The following AGBL4 variants were observed in gnomAD, a reference collection of about 807,000 sequenced individuals.
AGBL4 encodes the protein cytosolic carboxypeptidase 6.
In AGBL4, 58 loss-of-function variants were observed where a neutral mutation model predicts 66.4. The observed-to-expected ratio is 0.87, with a 90% CI of 0.71 to 1.09. The LOEUF is 1.09. AGBL4 is among the 50% of genes least tolerant of loss of function. AGBL4 has a pLI of 0.00. For synonymous variants in AGBL4, 234 were observed against 222.9 expected, an observed-to-expected ratio of 1.05 and a Z score of -0.44; for missense variants, 579 against 631.0, an observed-to-expected ratio of 0.92 and a Z score of 0.88.
chr1:49,698,847 T>G (rs982043967), intron 2 of AGBL4, among the ~76,000 whole-genome samples: 1 of 152,018 alleles, frequency 6.6e-6, no homozygotes, highest in Admixed American at 6.6e-5. Context: ...TATAAATGGG[T>G]TTTGATAAAC....
At chr1:49,555,171 T>A (rs1312444830) in intron 3 of AGBL4, among the ~76,000 whole-genome samples, 2 of 152,098 alleles carry the variant, frequency 1.3e-5, no homozygotes, top group African/African-American at 4.8e-5. Context: ...TACAAAGAAC[T>A]GATTGGTCCG....
chr1:48,528,273 G>T (rs968596670), downstream of AGBL4, among the ~76,000 whole-genome samples: 1 of 152,106 alleles, frequency 6.6e-6, no homozygotes, highest in African/African-American at 2.4e-5. Flanking sequence ...TCAGCTGTGT[G>T]GGGAGAAAGA....
intron 3 of AGBL4, among the ~76,000 whole-genome samples, chr1:49,336,012 A>G (rs555046459): frequency 1.3e-5 from 2 of 151,982 alleles, no homozygotes; most frequent in African/African-American, 4.8e-5. Flanking sequence ...TATATATATG[A>G]TATATACAAT....
At chr1:48,574,144 A>G (rs1237537984) in intron 11 of AGBL4, among the ~76,000 whole-genome samples, 1 of 152,198 alleles carries the variant, frequency 6.6e-6, no homozygotes, top group African/African-American at 2.4e-5. Context: ...CTTTTAGTGG[A>G]GCAATCAGAG....
rs566995777 is a variant in AGBL4, at chr1:49,671,253, A to G, written c.282+26060T>C. 2.0e-5 allele frequency among the ~76,000 whole-genome samples: 3 copies of G among 152,278 alleles called. No individual in the cohort carries two copies. The East Asian group carries it at 5.8e-4, about 29-fold the overall frequency. On this transcript the variant is annotated intron_variant, in intron 3 of 13. Coordinates refer to ENST00000371839, the MANE Select transcript of AGBL4 (RefSeq NM_032785.4). ...TGGGGAAAAGATTTCCTATTCAATA[A>G]ATAGTGCTGGGATAACTGGCAAGCC...
chr1:49,176,150 A>G (rs998293298), intron 4 of AGBL4, among the ~76,000 whole-genome samples: 1 of 152,112 alleles, frequency 6.6e-6, no homozygotes, highest in African/African-American at 2.4e-5. Context: ...GATGATGATG[A>G]TGGTGATGAC....
chr1:48,969,143 C>G (rs1002672026), intron 5 of AGBL4, among the ~76,000 whole-genome samples: 1 of 119,676 alleles, frequency 8.4e-6, no homozygotes, highest in East Asian at 2.9e-4. Context: ...TAATTCTTTT[C>G]AAACTCTCTC....
intron 5 of AGBL4, among the ~76,000 whole-genome samples, chr1:48,954,313 C>T (rs1657252793): frequency 6.6e-6 from 1 of 152,188 alleles, no homozygotes; most frequent in African/African-American, 2.4e-5. Flanking sequence ...TTTTGATGCT[C>T]TAATTTATAG....
intron 6 of AGBL4, among the ~76,000 whole-genome samples, chr1:48,710,558 C>A (rs1646950285): frequency 1.3e-5 from 2 of 152,120 alleles, no homozygotes; most frequent in South Asian, 4.2e-4. Flanking sequence ...AGGCTTTGTC[C>A]TAGTACAGCA....
chr1:48,964,067 T>G (rs1324215188), intron 5 of AGBL4, among the ~76,000 whole-genome samples: 1 of 152,152 alleles, frequency 6.6e-6, no homozygotes, highest in African/African-American at 2.4e-5. Flanking sequence ...GATTAAAGAA[T>G]AGGCAAGACA....
At chr1:49,379,151 C>G (rs1013259205) in intron 3 of AGBL4, among the ~76,000 whole-genome samples, 1 of 152,054 alleles carries the variant, frequency 6.6e-6, no homozygotes, top group Non-Finnish European at 1.5e-5. Context: ...GGCTTCTTCA[C>G]AATCAGAATT....
chr1:49,430,100 G>A (rs1463376155), intron 3 of AGBL4, among the ~76,000 whole-genome samples: 1 of 151,974 alleles, frequency 6.6e-6, no homozygotes, highest in African/African-American at 2.4e-5. Context: ...CAATCCACCT[G>A]CCTCGGCCTC....
intron 6 of AGBL4, among the ~76,000 whole-genome samples, chr1:48,781,812 C>A (rs1183416371): frequency 6.6e-6 from 1 of 152,196 alleles, no homozygotes; most frequent in Non-Finnish European, 1.5e-5. Context: ...AACTTGGAAT[C>A]CTGTCTCCCA....
intron 3 of AGBL4, chr1:49,374,491 T>G (rs1380710201): frequency 2.0e-5 from 3 of 152,124 alleles, no homozygotes; most frequent in African/African-American, 7.2e-5. Flanking sequence ...TTCTCACTGG[T>G]CCCTTTCCAA....
intron 3 of AGBL4, among the ~76,000 whole-genome samples, chr1:49,437,264 A>G (rs1645924588): frequency 6.6e-6 from 1 of 152,212 alleles, no homozygotes; most frequent in Admixed American, 6.5e-5. Context: ...AATAATATGT[A>G]TCTTCAAGGT....
At chr1:49,069,357 G>A (rs1644554495) in intron 4 of AGBL4, among the ~76,000 whole-genome samples, 1 of 152,070 alleles carries the variant, frequency 6.6e-6, no homozygotes, top group Non-Finnish European at 1.5e-5. Flanking sequence ...GGGTTTTTAT[G>A]GTTTTAGGTC....
rs188377918 is a variant in AGBL4, at chr1:49,445,330, T to A, written c.283-199466A>T. Among the ~76,000 whole-genome samples the A allele has an allele frequency of 2.0e-4, 31 of 152,248 alleles. 1 individual carries two copies. Among genetic ancestry groups the A allele is most frequent in the Admixed American group, 1.8e-3 (27 of 15,298 alleles). On this transcript the variant is annotated intron_variant, in intron 3 of 13. Coordinates refer to ENST00000371839, the MANE Select transcript of AGBL4 (RefSeq NM_032785.4). The stretch of plus-strand genomic sequence containing the variant: ...GACTCCATCTTGAAGAAGAATTTTT[T>A]AAATATTGTATCTGCCTGGGGATCC...
intron 9 of AGBL4, chr1:48,634,143 T>G (rs1645632592): frequency 6.1e-6 from 1 of 164,368 alleles, no homozygotes; most frequent in Non-Finnish European, 1.3e-5. Flanking sequence ...TTACATGACA[T>G]GCCCTTGGTA....
At chr1:49,813,386 C>T (rs760973276) in intron 2 of AGBL4, among the ~76,000 whole-genome samples, 1 of 152,110 alleles carries the variant, frequency 6.6e-6, no homozygotes, top group Admixed American at 6.6e-5. Flanking sequence ...ATATTGTCAT[C>T]AACCTATGCC....
Sources: gnomAD v4.1 joint callset for allele counts (sites outside exome capture counted in the v4.1 genomes callset) on GRCh38, gnomAD v4.1.1 for gene constraint, MANE v1.5 for transcripts, NCBI Gene and HGNC (gene_info 2026-07-23, HGNC 2026-07-21) for gene names.